Variants in SANBR observed in about 807,000 individuals in gnomAD.
SANBR encodes SANT and BTB domain regulator of class switch recombination.
SANBR carries 77 observed loss-of-function variants against 101.8 expected under a neutral mutation model. The ratio of observed to expected loss-of-function variants is 0.76; its 90% CI spans 0.63 to 0.91. SANBR has a LOEUF of 0.91. Ranked by LOEUF, SANBR falls within the 40% of genes least tolerant of loss-of-function variation. SANBR has a pLI of 0.00. For synonymous variants in SANBR, 279 were observed against 274.7 expected (o/e 1.02, Z -0.15); for missense variants, 875 against 853.0 (o/e 1.03, Z -0.32).
At chr2:61,117,414 TATCCACTCTTAAAGAAGCATCA>T in intron 18 of SANBR, 29 bp downstream of exon 18, 1 of 1,613,266 alleles carries the variant, frequency 6.2e-7, no homozygotes, top group Non-Finnish European at 8.5e-7. Flanking sequence ...TCCAATCGGA[TATCCACTCTTAAAGAAGCATCA>T]ATGCTGATTT....
intron 11 of SANBR, chr2:61,093,434 A>C (rs1386031117): frequency 1.3e-5 from 2 of 152,060 alleles, no homozygotes; most frequent in Non-Finnish European, 2.9e-5. Context: ...CATCTCTACT[A>C]AAAACGCAAA....
chr2:61,132,937 C>A (rs1684730538), intron 20 of SANBR, among the ~76,000 whole-genome samples: 1 of 152,186 alleles, frequency 6.6e-6, no homozygotes, highest in South Asian at 2.1e-4. Context: ...AAATCCATAG[C>A]AACAGAAAGC....
At chr2:61,084,400 C>T (rs1183927557) in intron 8 of SANBR, among the ~76,000 whole-genome samples, 1 of 151,894 alleles carries the variant, frequency 6.6e-6, no homozygotes, top group African/African-American at 2.4e-5. Flanking sequence ...ATGAACATAT[C>T]GTGATAGTGA....
intron 16 of SANBR, among the ~76,000 whole-genome samples, chr2:61,112,216 G>T (rs1326331796): frequency 6.6e-6 from 1 of 152,218 alleles, no homozygotes; most frequent in East Asian, 1.9e-4. Flanking sequence ...GAGAGTTCCA[G>T]TTGCTGCACA....
At chr2:61,129,647 T>C (rs953092234) in intron 20 of SANBR, among the ~76,000 whole-genome samples, 1 of 151,656 alleles carries the variant, frequency 6.6e-6, no homozygotes, top group African/African-American at 2.4e-5. Context: ...ACAAAGGAGG[T>C]GGATGGGAGC....
At chr2:61,068,684 C>A (rs893185797) in intron 1 of SANBR, among the ~76,000 whole-genome samples, 165 bp from the exon 2 acceptor site, 1 of 152,162 alleles carries the variant, frequency 6.6e-6, no homozygotes, top group Non-Finnish European at 1.5e-5. Flanking sequence ...ACTGTCTCTC[C>A]TTTTATCTGT....
intron 8 of SANBR, among the ~76,000 whole-genome samples, chr2:61,084,058 A>T (rs1309642491): frequency 6.6e-6 from 1 of 152,050 alleles, no homozygotes; most frequent in East Asian, 1.9e-4. Flanking sequence ...GGCTCAAGCG[A>T]TCCTTCCACC....
chr2:61,134,160 C>T (rs777489264), exon 21 of SANBR: 36 of 1,613,890 alleles, frequency 2.2e-5, no homozygotes, highest in Non-Finnish European at 2.8e-5. Flanking sequence ...GACCCAGAGA[C>T]GGCACTGTGT....
At chr2:61,089,403 G>A (rs1000364911) in intron 10 of SANBR, 4 of 153,690 alleles carry the variant, frequency 2.6e-5, no homozygotes, top group Non-Finnish European at 4.3e-5. Context: ...CTACTTGGGA[G>A]GCTAAAGCAG....
intron 20 of SANBR, among the ~76,000 whole-genome samples, chr2:61,132,018 G>A (rs1374648428): frequency 6.6e-6 from 1 of 152,150 alleles, no homozygotes; most frequent in East Asian, 1.9e-4. Context: ...TGTAAAAATT[G>A]ATGCAAAATG....
At chr2:61,118,551 G>A (rs1333787828) in intron 20 of SANBR, among the ~76,000 whole-genome samples, 1 of 148,990 alleles carries the variant, frequency 6.7e-6, no homozygotes, top group Non-Finnish European at 1.5e-5. Context: ...AAATATATGT[G>A]GGGGTTTTTT....
In SANBR at chr2:61,129,385, C is replaced by T. The variant is rs141193221; in HGVS notation, c.2029-4752C>T. Among the ~76,000 whole-genome samples, 507 of 150,706 alleles carry T rather than the reference C, an allele frequency of 3.4e-3. 10 individuals carry two copies. The highest frequency in any genetic ancestry group is 4.8e-3 in the Admixed American group (73 of 15,152). On this transcript the variant is annotated intron_variant, in intron 20 of 21. Coordinates refer to the SANBR transcript ENST00000295031. ...CTTGAACCTGGAAGGCAGAGGTTGC[C>T]GTGAGCCGAGATCATGACACTGCAC...
intron 7 of SANBR, among the ~76,000 whole-genome samples, chr2:61,081,774 G>C (rs528894396): frequency 3.9e-4 from 60 of 152,034 alleles, no homozygotes; most frequent in African/African-American, 1.3e-3. Context: ...TCAGCCTCCC[G>C]AGTAGCTGGG....
At chr2:61,133,410 CATTAA>C (rs970862051) in intron 20 of SANBR, among the ~76,000 whole-genome samples, 2 of 151,936 alleles carry the variant, frequency 1.3e-5, no homozygotes, top group Non-Finnish European at 2.9e-5. Flanking sequence ...CACTAAATGT[CATTAA>C]ATTGTACACT....
intron 16 of SANBR, among the ~76,000 whole-genome samples, chr2:61,110,797 G>A (rs867117860): frequency 3.3e-5 from 5 of 149,486 alleles, no homozygotes; most frequent in Middle Eastern, 3.3e-3. Context: ...GCAGTGAGCC[G>A]AGACCATCCC....
chr2:61,113,050 C>A (rs1456838557), intron 16 of SANBR, among the ~76,000 whole-genome samples: 1 of 152,060 alleles, frequency 6.6e-6, no homozygotes, highest in African/African-American at 2.4e-5. Context: ...TAGGCATAGC[C>A]GGTTGTTCCA....
At chr2:61,134,041 T>C in intron 20 of SANBR, 2 of 1,544,276 alleles carry the variant, frequency 1.3e-6, no homozygotes, top group Non-Finnish European at 1.8e-6. Context: ...CAATTTATCC[T>C]AACAGCTACA....
chr2:61,072,820 A>AATTTTTTTTT (rs1435131296), intron 4 of SANBR, among the ~76,000 whole-genome samples: 1 of 21,868 alleles, frequency 4.6e-5, no homozygotes, highest in Non-Finnish European at 9.2e-5. Context: ...CTCTCATGTT[A>AATTTTTTTTT]CTTTTTTTTT....
chr2:61,083,424 TCTCA>T, intron 8 of SANBR, 110 bp downstream of exon 8: 1 of 785,242 alleles, frequency 1.3e-6, no homozygotes, highest in Non-Finnish European at 2.0e-6. Flanking sequence ...TGAGAAAGGT[TCTCA>T]CTCTGTTGTT....
Sources: allele counts gnomAD v4.1 joint callset (sites outside exome capture counted in the v4.1 genomes callset), GRCh38; gene constraint gnomAD v4.1.1; transcripts MANE v1.5; gene names NCBI Gene and HGNC (gene_info 2026-07-23, HGNC 2026-07-21).